HACD3: variants seen among roughly 807,000 people sequenced by gnomAD.
The protein encoded by HACD3 is very-long-chain (3R)-3-hydroxyacyl-CoA dehydratase 3.
Under a neutral mutation model 55.2 loss-of-function variants are expected in HACD3, and 30 were observed. The observed-to-expected ratio is 0.54, with a 90% confidence interval of 0.41 to 0.74. HACD3 has a LOEUF of 0.74. HACD3 is among the 30% of genes least tolerant of loss of function. The probability of loss-of-function intolerance (pLI) is 0.00; values close to 1 mark genes in which losing one functional copy is unlikely to be tolerated. For synonymous variants in HACD3, 141 were observed against 151.7 expected (o/e 0.93, Z 0.52); for missense variants, 363 against 440.1 (o/e 0.82, Z 1.57).
intron 7 of HACD3, among the ~76,000 whole-genome samples, chr15:65,567,387 A>G (rs2072302510): frequency 6.6e-6 from 1 of 152,192 alleles, no homozygotes; most frequent in African/African-American, 2.4e-5. Flanking sequence ...CTGAAGAGAA[A>G]ATTAGTGAAC....
chr15:65,571,503 G>C lies in HACD3; in HGVS notation c.774-45G>C, dbSNP rs754865856. On this transcript the variant is annotated intron_variant, in intron 8 of 10. Transcript: ENST00000261875. ...AAATGATATTCTAAGGTTGCATTCG[G>C]AACCTGAAGTGGCTTTTCACATTGG... The C allele has an allele frequency of 7.8e-6, 11 of 1,414,788 alleles. No individual in the cohort carries two copies. In the South Asian group the frequency reaches 1.1e-4, roughly 14 times the overall value. 87.6% of individuals were successfully genotyped at this position (1,414,788 alleles called of 1,614,324 possible). A position where few individuals can be genotyped will look rare whatever the true frequency, so the allele number is the denominator to read the frequency against.
At chr15:65,534,953 C>G (rs1345377124) in intron 1 of HACD3, among the ~76,000 whole-genome samples, 4 of 152,170 alleles carry the variant, frequency 2.6e-5, no homozygotes, top group Middle Eastern at 3.2e-3. Flanking sequence ...AGCCTATTAG[C>G]AGACCTATTC....
chr15:65,540,173 A>G (rs1289586131), intron 1 of HACD3, among the ~76,000 whole-genome samples: 6 of 152,238 alleles, frequency 3.9e-5, no homozygotes, highest in Non-Finnish European at 8.8e-5. Context: ...ATAGAAATCA[A>G]TAAGTCTAAG....
At chr15:65,546,007 T>C (rs1484733703) in intron 1 of HACD3, among the ~76,000 whole-genome samples, 1 of 152,242 alleles carries the variant, frequency 6.6e-6, no homozygotes, top group Non-Finnish European at 1.5e-5. Context: ...GCAGTCCTGT[T>C]GCGGGAGACC....
At chr15:65,530,758 C>G (rs372231534) in intron 1 of HACD3, 40 bp downstream of exon 1, 1 of 1,511,648 alleles carries the variant, frequency 6.6e-7, no homozygotes, top group East Asian at 2.6e-5. Flanking sequence ...CGCGGGATCG[C>G]GGCTCCGGGT....
intron 10 of HACD3, among the ~76,000 whole-genome samples, chr15:65,575,943 A>G (rs553660546): frequency 6.6e-6 from 1 of 152,238 alleles, no homozygotes; most frequent in African/African-American, 2.4e-5. Context: ...AAATACAAAA[A>G]ATTAGCCAGG....
At position 65,571,579 on chromosome 15, in the gene HACD3, A is replaced by G; in HGVS notation, c.805A>G (p.Met269Val). Residue 269 changes from methionine to valine, a missense_variant, in exon 9 of 11, where the codon ATG (methionine) becomes GTG (valine). Coordinates refer to ENST00000261875, the MANE Select transcript of HACD3 (RefSeq NM_016395.4). ...TTTCTACATGCTGACGTGCATTGAC[A>G]TGGATTGGAAGGTGCTCACATGGCT... ...YSFYMLTCIDMDWKVLTWLRY... is the reference protein window; with the variant it reads ...YSFYMLTCIDVDWKVLTWLRY... 1.2e-6 allele frequency: 2 copies of G among 1,613,676 alleles called. No individual in the cohort carries two copies. The highest frequency in any genetic ancestry group is 1.7e-6 in the Non-Finnish European group (2 of 1,179,640).
At chr15:65,542,244 AAAGAAAAG>A (rs1163962530) in intron 1 of HACD3, among the ~76,000 whole-genome samples, 8 of 134,446 alleles carry the variant, frequency 6.0e-5, no homozygotes, top group African/African-American at 1.8e-4. Context: ...AAAAAAAAAA[AAAGAAAAG>A]AAAAGAATAT....
chr15:65,532,486 A>C (rs2071911413), intron 1 of HACD3, among the ~76,000 whole-genome samples: 1 of 152,104 alleles, frequency 6.6e-6, no homozygotes. Flanking sequence ...TTAGCCGGGC[A>C]TGGTGGTGCA....
At chr15:65,540,022 T>C (rs2072004843) in intron 1 of HACD3, among the ~76,000 whole-genome samples, 1 of 152,164 alleles carries the variant, frequency 6.6e-6, no homozygotes, top group South Asian at 2.1e-4. Flanking sequence ...GGCATTGGGA[T>C]TGAGAAATTG....
At chr15:65,545,655 C>T (rs543291821) in intron 1 of HACD3, among the ~76,000 whole-genome samples, 14 of 150,962 alleles carry the variant, frequency 9.3e-5, no homozygotes, top group South Asian at 2.1e-4. Flanking sequence ...AGGGTTTCAC[C>T]GTGTTAGCCA....
At chr15:65,551,994 G>C (rs2072138005) in intron 2 of HACD3, 1 of 346,898 alleles carries the variant, frequency 2.9e-6, no homozygotes, top group South Asian at 4.0e-5. Context: ...GTGTCTTCTA[G>C]CTCTAATTCT....
At chr15:65,559,459 T>A (rs2072224869) in intron 5 of HACD3, among the ~76,000 whole-genome samples, 1 of 151,032 alleles carries the variant, frequency 6.6e-6, no homozygotes, top group African/African-American at 2.4e-5. Context: ...TTGTTCTAAG[T>A]TGAAATTTTT....
intron 1 of HACD3, among the ~76,000 whole-genome samples, chr15:65,538,685 AAC>A (rs1451416762): frequency 1.3e-5 from 2 of 152,232 alleles, no homozygotes; most frequent in African/African-American, 4.8e-5. Context: ...CTCTGGGTAA[AAC>A]AGTATCAAAC....
chr15:65,532,093 A>T (rs528555890), intron 1 of HACD3, among the ~76,000 whole-genome samples: 3 of 152,280 alleles, frequency 2.0e-5, no homozygotes, highest in South Asian at 4.1e-4. Context: ...CTGTTGAAAG[A>T]TGAAGACAGT....
intron 6 of HACD3, among the ~76,000 whole-genome samples, chr15:65,563,555 G>T (rs1299250977): frequency 6.6e-6 from 1 of 152,126 alleles, no homozygotes; most frequent in Non-Finnish European, 1.5e-5. Flanking sequence ...TGTAATCCCA[G>T]CACTTTAACA....
At chr15:65,563,228 G>C (rs2072260495) in intron 6 of HACD3, among the ~76,000 whole-genome samples, 1 of 152,034 alleles carries the variant, frequency 6.6e-6, no homozygotes. Context: ...CCAAAGTTAT[G>C]CAAGGCCAAA....
At chr15:65,537,956 AAAATATATATATATATATATATATAT>A (rs1390203372) in intron 1 of HACD3, among the ~76,000 whole-genome samples, 300 of 3,062 alleles carry the variant, frequency 0.098, 11 homozygotes, top group African/African-American at 0.2. Flanking sequence ...AAAAAAAAAA[AAAATATATATATATATATATATATAT>A]ATATATATAT....
At chr15:65,554,768 C>A in intron 2 of HACD3, 119 bp from the exon 3 acceptor site, 2 of 661,530 alleles carry the variant, frequency 3.0e-6, no homozygotes, top group African/African-American at 1.8e-5. Context: ...GAGCAAGACT[C>A]TGTCTCAAAA....
Sources: allele counts gnomAD v4.1 joint callset (sites outside exome capture counted in the v4.1 genomes callset), GRCh38; gene constraint gnomAD v4.1.1; transcripts MANE v1.5; gene names NCBI Gene and HGNC (gene_info 2026-07-23, HGNC 2026-07-21).